NUP98: variants seen among roughly 807,000 people sequenced by gnomAD.
NUP98 encodes nucleoporin 98 and 96 precursor.
In NUP98, 26 loss-of-function variants were observed where a neutral mutation model predicts 191.9. That is an observed-to-expected ratio of 0.14 (90% confidence interval 0.10 to 0.19). The LOEUF (loss-of-function observed/expected upper bound fraction) is 0.19. NUP98 is among the 10% of genes least tolerant of loss of function. The probability of loss-of-function intolerance (pLI) is 1.00; values close to 1 mark genes in which losing one functional copy is unlikely to be tolerated. For missense variants in NUP98, 1,941 were observed against 2,178.8 expected (o/e 0.89, Z 2.17); for synonymous variants, 808 against 778.4 (o/e 1.04, Z -0.63).
chr11:3,794,414 G>A (rs1428034888), intron 1 of NUP98, among the ~76,000 whole-genome samples: 2 of 152,034 alleles, frequency 1.3e-5, no homozygotes, highest in South Asian at 4.1e-4. Flanking sequence ...TCCGCCTCCC[G>A]AGTTCAAGCA....
At position 3,719,509 on chromosome 11, in the gene NUP98, T is replaced by C. The variant is rs1453808015; in HGVS notation, c.2302A>G (p.Asn768Asp). 7 of 1,591,530 alleles carry C rather than the reference T, an allele frequency of 4.4e-6. No homozygotes were observed. The highest frequency in any genetic ancestry group is 6.0e-6 in the Non-Finnish European group (7 of 1,171,382). ...TGCACAATATCATCCAAATTTAGAT[T>C]TGTCAAATTCACATCTCCTTCAAAA... is the stretch of plus-strand genomic sequence containing the variant. The part of the protein sequence containing the change: ...IYFEGDVNLT[N>D]LNLDDIVHIR... Residue 768 changes from asparagine to aspartate, a missense_variant, in exon 18 of 33, where the codon AAT (asparagine) becomes GAT (aspartate). Asn to Asp is a conservative substitution (Grantham distance 23, BLOSUM62 1). Coordinates refer to ENST00000324932, the MANE Select transcript of NUP98 (RefSeq NM_016320.5).
intron 28 of NUP98, among the ~76,000 whole-genome samples, chr11:3,688,917 G>GT (rs1258272416): frequency 6.0e-5 from 9 of 149,522 alleles, no homozygotes; most frequent in Non-Finnish European, 1.3e-4. Flanking sequence ...AACAAAAACT[G>GT]TAAGTATTTC....
intron 1 of NUP98, among the ~76,000 whole-genome samples, chr11:3,792,654 G>A (rs1364936234): frequency 6.6e-6 from 1 of 151,980 alleles, no homozygotes; most frequent in Non-Finnish European, 1.5e-5. Flanking sequence ...AAAAAAAGAA[G>A]ATCTGCATAA....
At chr11:3,725,257 C>A in intron 14 of NUP98, 38 bp from the exon 15 acceptor site, 1 of 948,914 alleles carries the variant, frequency 1.1e-6, no homozygotes, top group Non-Finnish European at 1.7e-6. Context: ...AAAAAAATTA[C>A]TCAGGCATAC....
intron 2 of NUP98, among the ~76,000 whole-genome samples, chr11:3,781,780 T>A (rs1306410346): frequency 6.6e-6 from 1 of 152,092 alleles, no homozygotes; most frequent in Non-Finnish European, 1.5e-5. Context: ...AGTAACAAAT[T>A]ATAACTTTCT....
rs193092318 is a variant in NUP98 at position 3,729,454 on chromosome 11, A to G, written c.1730+1937T>C. On this transcript the variant is annotated intron_variant, in intron 14 of 32. Coordinates refer to ENST00000324932, the MANE Select transcript of NUP98 (RefSeq NM_016320.5). ...GATAGGTAGCTGGGCGTGGTAGCTC[A>G]TGCCTGTAATCCTAACACCTTGGGA... 1.1e-3 allele frequency among the ~76,000 whole-genome samples: 165 copies of G among 149,430 alleles called. 2 individuals are homozygous for G. In the East Asian group the frequency reaches 0.028, roughly 25 times the overall value.
At chr11:3,697,585 G>A (rs1245536658) in intron 25 of NUP98, among the ~76,000 whole-genome samples, 2 of 152,056 alleles carry the variant, frequency 1.3e-5, no homozygotes, top group Non-Finnish European at 2.9e-5. Flanking sequence ...AAAGTGGGTG[G>A]ATCACTGGAA....
intron 28 of NUP98, among the ~76,000 whole-genome samples, chr11:3,687,459 CCT>C (rs2078165438): frequency 2.6e-5 from 4 of 152,126 alleles, no homozygotes; most frequent in Admixed American, 2.6e-4. Context: ...AAATCTTCTG[CCT>C]AACCTACAGT....
intron 18 of NUP98, among the ~76,000 whole-genome samples, chr11:3,715,415 G>T (rs2079148868): frequency 6.6e-6 from 1 of 151,398 alleles, no homozygotes; most frequent in Admixed American, 6.6e-5. Context: ...TTATAGGCGT[G>T]AGCCACCACG....
At chr11:3,687,819 T>C (rs1314873032) in intron 28 of NUP98, among the ~76,000 whole-genome samples, 1 of 152,116 alleles carries the variant, frequency 6.6e-6, no homozygotes, top group East Asian at 1.9e-4. Context: ...CCCAGCACTT[T>C]GGGAAGCCAA....
intron 1 of NUP98, among the ~76,000 whole-genome samples, chr11:3,789,501 C>CTTTTTTTTTTTTTTTTTTTTTTT (rs914589009): frequency 8.1e-6 from 1 of 123,066 alleles, no homozygotes; most frequent in Non-Finnish European, 1.7e-5. Flanking sequence ...TTACCTATTT[C>CTTTTTTTTTTTTTTTTTTTTTTT]TTTTTTTTTT....
chr11:3,780,269 G>A (rs1372632397), intron 2 of NUP98, among the ~76,000 whole-genome samples: 1 of 149,752 alleles, frequency 6.7e-6, no homozygotes, highest in Non-Finnish European at 1.5e-5. Context: ...ACAGGCTCAC[G>A]CCTGTAACCC....
intron 28 of NUP98, among the ~76,000 whole-genome samples, chr11:3,688,477 A>C (rs2078196766): frequency 6.6e-6 from 1 of 151,172 alleles, no homozygotes; most frequent in Non-Finnish European, 1.5e-5. Context: ...CTACAATAAA[A>C]AGCTACATTC....
intron 19 of NUP98, 104 bp from the exon 20 acceptor site, chr11:3,712,832 G>A: frequency 8.2e-7 from 1 of 1,220,276 alleles, no homozygotes; most frequent in Non-Finnish European, 1.2e-6. Context: ...AAAGAAAAGG[G>A]GAGAAATATC....
chr11:3,682,192 TC>T (rs2078002089), intron 30 of NUP98, among the ~76,000 whole-genome samples: 1 of 152,242 alleles, frequency 6.6e-6, no homozygotes. Flanking sequence ...GCTGGTTTCA[TC>T]TATCCAGATC....
chr11:3,759,407 G>C (rs1449492894), intron 10 of NUP98, among the ~76,000 whole-genome samples: 4 of 152,044 alleles, frequency 2.6e-5, no homozygotes. Flanking sequence ...GACGAGCCTG[G>C]CCTACATGGT....
At chr11:3,700,896 T>A in intron 23 of NUP98, 57 bp from the exon 24 acceptor site, 1 of 1,192,128 alleles carries the variant, frequency 8.4e-7, no homozygotes, top group Non-Finnish European at 1.2e-6. Context: ...AAGCTAGGAT[T>A]TTTACTTCAA....
intron 14 of NUP98, among the ~76,000 whole-genome samples, chr11:3,728,585 A>C (rs1204781119): frequency 6.6e-6 from 1 of 152,016 alleles, no homozygotes; most frequent in Non-Finnish European, 1.5e-5. Context: ...AAAAATACAA[A>C]AAAATTAGCT....
At chr11:3,725,331 T>TACAC (rs1238167533) in intron 14 of NUP98, 112 bp from the exon 15 acceptor site, 24 of 610,360 alleles carry the variant, frequency 3.9e-5, no homozygotes, top group Non-Finnish European at 6.7e-5. Flanking sequence ...TCAACTCTTG[T>TACAC]ACACCTAAGA....
Sources: allele counts gnomAD v4.1 joint callset (sites outside exome capture counted in the v4.1 genomes callset), GRCh38; gene constraint gnomAD v4.1.1; transcripts MANE v1.5; gene names NCBI Gene and HGNC (gene_info 2026-07-23, HGNC 2026-07-21).